The following APC variants were observed in gnomAD, a reference collection of about 807,000 sequenced individuals.
APC encodes the protein adenomatous polyposis coli protein.
Under a neutral mutation model 247.0 loss-of-function variants are expected in APC, and 72 were observed. That is an observed-to-expected ratio of 0.29 (90% confidence interval 0.24 to 0.35). The LOEUF (loss-of-function observed/expected upper bound fraction) is 0.35. Ranked by LOEUF, APC falls within the 10% of genes least tolerant of loss-of-function variation. APC has a pLI of 1.00. For synonymous variants in APC, 1,254 were observed against 1,162.5 expected (o/e 1.08, Z -1.60); for missense variants, 3,400 against 3,360.7 (o/e 1.01, Z -0.29).
rs786201989 is a variant in APC, at chr5:112,766,371, G to C, written c.181G>C (p.Ala61Pro). 1.9e-6 allele frequency: 3 copies of C among 1,612,326 alleles called. No individual in the cohort carries two copies. Among genetic ancestry groups the C allele is most frequent in the Non-Finnish European group, 2.5e-6 (3 of 1,178,654 alleles). ...LQGSIEDEAM[A>P]SSGQIDLLER... ...AGGAAGTATTGAAGATGAAGCTATG[G>C]CTTCTTCTGGACAGATTGATTTATT... Residue 61 changes from alanine (A) to proline (P), a missense_variant, in exon 3 of 16, where the codon GCT (alanine) becomes CCT (proline). By Grantham distance (27) the Ala-to-Pro change is conservative. Transcript: ENST00000257430.
chr5:112,720,679 A>C (rs999346478), intron 1 of APC, among the ~76,000 whole-genome samples: 9 of 152,236 alleles, frequency 5.9e-5, no homozygotes, highest in Admixed American at 4.6e-4. Context: ...TACAGATTTG[A>C]GGAGACAAAA....
intron 5 of APC, among the ~76,000 whole-genome samples, chr5:112,778,776 C>CTCG (rs1757996084): frequency 6.6e-6 from 1 of 152,118 alleles, no homozygotes; most frequent in Non-Finnish European, 1.5e-5. Context: ...ATATCCTGAC[C>CTCG]TCGTGATCCA....
At chr5:112,827,789 T>C (rs1763852953) in intron 12 of APC, 140 bp from the exon 13 acceptor site, 2 of 700,518 alleles carry the variant, frequency 2.9e-6, no homozygotes, top group African/African-American at 1.8e-5. Context: ...GGTAATCTTA[T>C]TCTAGATTTT....
intron 8 of APC, among the ~76,000 whole-genome samples, chr5:112,812,342 G>A (rs1341593172): frequency 6.6e-6 from 1 of 151,706 alleles, no homozygotes. Flanking sequence ...CAAGAAAAAG[G>A]TTCCTTGTCT....
At chr5:112,737,484 T>A (rs1451152976), upstream of APC, among the ~76,000 whole-genome samples, 1 of 152,262 alleles carries the variant, frequency 6.6e-6, no homozygotes, top group Non-Finnish European at 1.5e-5. Flanking sequence ...TCATTTAATA[T>A]TATTGTTTCT....
At chr5:112,776,440 G>T (rs1383763312) in intron 5 of APC, among the ~76,000 whole-genome samples, 1 of 152,190 alleles carries the variant, frequency 6.6e-6, no homozygotes, top group African/African-American at 2.4e-5. Context: ...GTCCTAAACT[G>T]CCAACATCTC....
intron 5 of APC, chr5:112,777,989 T>C: frequency 5.3e-6 from 1 of 187,866 alleles, no homozygotes; most frequent in Admixed American, 5.2e-5. Context: ...CTGAACCATC[T>C]AAATTTTCTT....
At chr5:112,794,489 G>A (rs1357963102) in intron 7 of APC, among the ~76,000 whole-genome samples, 1 of 152,180 alleles carries the variant, frequency 6.6e-6, no homozygotes, top group Non-Finnish European at 1.5e-5. Context: ...ACTACCCAGA[G>A]TTAGAGTCAG....
Position 112,843,183 on chromosome 5 carries a change from G to A in APC, c.7589G>A (p.Arg2530Gln), listed in dbSNP as rs587778043. 5.0e-6 allele frequency: 8 copies of A among 1,612,888 alleles called. No homozygotes were observed. Among genetic ancestry groups the A allele is most frequent in the South Asian group, 2.2e-5 (2 of 91,058 alleles). ...GRPAKRHDIA[R>Q]SHSESPSRLP... Reference sequence around the variant, plus strand: ...CCAGCAAAGCGCCATGATATTGCACGGTCTCATTCTGAAAGTCCTTCTAGA... The same window carrying A: ...CCAGCAAAGCGCCATGATATTGCACAGTCTCATTCTGAAAGTCCTTCTAGA... Residue 2530 changes from arginine to glutamine, a missense_variant, in exon 16 of 16, where the codon CGG becomes CAG. Arg to Gln is a conservative substitution (Grantham distance 43). Around this residue, in one of 9 missense-constraint regions of APC, gnomAD observed 1,788 missense variants for 1,649.5 expected, o/e 1.08. Transcript: ENST00000257430. This position sits in a 1 kb window ranked among gnomAD's most constrained non-coding sequence, Gnocchi z 4.8.
chr5:112,832,974 G>C (rs892341150), intron 14 of APC, among the ~76,000 whole-genome samples: 2 of 151,860 alleles, frequency 1.3e-5, no homozygotes, highest in African/African-American at 4.8e-5. Flanking sequence ...TTTCCTGATG[G>C]ATATATAGTA....
chr5:112,840,260 A>G lies in APC; in HGVS notation c.4666A>G (p.Thr1556Ala), dbSNP rs769631477. 1.2e-6 allele frequency: 2 copies of G among 1,614,014 alleles called. No homozygotes were observed. The highest frequency in any genetic ancestry group is 1.7e-6 in the Non-Finnish European group (2 of 1,180,010). Reference protein sequence around the residue: ...NENQEKEAEKTIDSEKDLLDD... With the variant: ...NENQEKEAEKAIDSEKDLLDD... ...AAACCAAGAGAAAGAGGCAGAAAAAACTATTGATTCTGAAAAGGACCTATT... is the reference window on the plus strand; with the variant it reads ...AAACCAAGAGAAAGAGGCAGAAAAAGCTATTGATTCTGAAAAGGACCTATT... The change falls in exon 16 of 16, where the codon ACT becomes GCT. Residue 1556 changes from threonine to alanine, a missense_variant. By Grantham distance (58) the Thr-to-Ala change is moderately conservative. This residue lies in a region of APC where 1,788 missense variants were observed against 1,649.5 expected (regional missense o/e 1.08). Transcript: ENST00000257430. This position sits in a 1 kb window ranked among gnomAD's most constrained non-coding sequence, Gnocchi z 4.1.
At position 112,844,218 on chromosome 5, in the gene APC, A is replaced by G; in HGVS notation, c.*92A>G. The G allele has an allele frequency of 8.2e-7, 1 of 1,215,530 alleles. No individual in the cohort carries two copies. The highest frequency in any genetic ancestry group is 1.2e-6 in the Non-Finnish European group (1 of 862,922). 75.3% of individuals were successfully genotyped at this position (1,215,530 alleles called of 1,614,324 possible). ...CAAATGAAACTTTAAAAGACTGAAA[A>G]ATTTTGTAAATAGGTTTGATTCTTG... On this transcript the variant is annotated 3_prime_UTR_variant, in exon 16 of 16. Coordinates refer to ENST00000257430, the MANE Select transcript of APC (RefSeq NM_000038.6).
At chr5:112,753,372 AT>A (rs1455265809) in intron 1 of APC, among the ~76,000 whole-genome samples, 1 of 152,096 alleles carries the variant, frequency 6.6e-6, no homozygotes, top group African/African-American at 2.4e-5. Flanking sequence ...TTACATGTAT[AT>A]TTTCATAATA....
At chr5:112,806,074 A>G (rs533955556) in intron 8 of APC, among the ~76,000 whole-genome samples, 26 of 152,160 alleles carry the variant, frequency 1.7e-4, no homozygotes, top group South Asian at 8.3e-4. Flanking sequence ...GTGCACATCT[A>G]TACCTGTTCC....
chr5:112,812,993 A>T (rs373097994), intron 8 of APC, among the ~76,000 whole-genome samples: 2 of 152,210 alleles, frequency 1.3e-5, no homozygotes, highest in African/African-American at 4.8e-5. Flanking sequence ...GTCAGCATAA[A>T]GAGTCCAGAC....
At chr5:112,829,033 C>A in intron 14 of APC, 61 bp downstream of exon 14, 2 of 1,115,500 alleles carry the variant, frequency 1.8e-6, no homozygotes, top group Non-Finnish European at 2.7e-6. Flanking sequence ...TTTTTGCTGC[C>A]TTCTTTTAGC....
At chr5:112,814,549 A>G (rs2149758456) in intron 8 of APC, among the ~76,000 whole-genome samples, 1 of 152,312 alleles carries the variant, frequency 6.6e-6, no homozygotes, top group Non-Finnish European at 1.5e-5. Context: ...ATTAATTTGA[A>G]TATCCTTCAA....
chr5:112,829,571 T>A (rs957641471), intron 14 of APC: 1 of 154,126 alleles, frequency 6.5e-6, no homozygotes, highest in African/African-American at 2.4e-5. Context: ...CTCAGCACTA[T>A]AGACATTTTT....
chr5:112,781,384 A>C (rs1325023516), intron 6 of APC, among the ~76,000 whole-genome samples: 5 of 152,222 alleles, frequency 3.3e-5, no homozygotes, highest in Non-Finnish European at 2.9e-5. Context: ...ATGTCAAGAA[A>C]GAGTATTAGC....
Sources: gnomAD v4.1 joint callset for allele counts (sites outside exome capture counted in the v4.1 genomes callset) on GRCh38, gnomAD v4.1.1 for gene constraint, gnomAD v4.1.1 regional missense constraint, Gnocchi (gnomAD v3.1) non-coding constraint, MANE v1.5 for transcripts, NCBI Gene and HGNC (gene_info 2026-07-23, HGNC 2026-07-21) for gene names.